The following PLA2G4A variants were observed in gnomAD, a reference collection of about 807,000 sequenced individuals.
PLA2G4A encodes the protein cytosolic phospholipase A2.
Under a neutral mutation model 81.9 loss-of-function variants are expected in PLA2G4A, and 40 were observed. The observed-to-expected ratio is 0.49, with a 90% CI of 0.38 to 0.64. The LOEUF is 0.64. PLA2G4A is among the 30% of genes least tolerant of loss of function. The pLI, the probability that PLA2G4A is intolerant of heterozygous loss-of-function variation, is 0.00. For missense variants in PLA2G4A, 715 were observed against 905.1 expected, an observed-to-expected ratio of 0.79 and a Z score of 2.69; for synonymous variants, 302 against 296.9, an observed-to-expected ratio of 1.02 and a Z score of -0.18.
At chr1:186,887,054 G>A (rs965375667) in intron 3 of PLA2G4A, among the ~76,000 whole-genome samples, 12 of 152,122 alleles carry the variant, frequency 7.9e-5, no homozygotes, top group African/African-American at 1.2e-4. Flanking sequence ...AGATGAATCC[G>A]TGAAGGTCAT....
intron 7 of PLA2G4A, among the ~76,000 whole-genome samples, chr1:186,924,143 C>T (rs1380369288): frequency 6.6e-6 from 1 of 152,216 alleles, no homozygotes; most frequent in African/African-American, 2.4e-5. Context: ...CCTGTATTGT[C>T]AACGTCTACC....
At chr1:186,920,201 C>G (rs1655296980) in intron 7 of PLA2G4A, among the ~76,000 whole-genome samples, 1 of 152,104 alleles carries the variant, frequency 6.6e-6, no homozygotes, top group African/African-American at 2.4e-5. Context: ...ATTCCTGTTC[C>G]TGGTAACTTT....
chr1:186,945,354 C>A (rs73051044), intron 10 of PLA2G4A, among the ~76,000 whole-genome samples: 1 of 151,996 alleles, frequency 6.6e-6, no homozygotes, highest in African/African-American at 2.4e-5. Context: ...TAGGCCAGGA[C>A]GGAAACTTGT....
At chr1:186,845,021 C>T (rs926884486) in intron 1 of PLA2G4A, among the ~76,000 whole-genome samples, 1 of 152,046 alleles carries the variant, frequency 6.6e-6, no homozygotes, top group Admixed American at 6.6e-5. Context: ...ATCAGCCTGG[C>T]CAACATGGTG....
rs1657578216 is a variant in PLA2G4A at position 186,977,646 on chromosome 1, G to C, written c.1818G>C (p.Lys606Asn). The C allele has an allele frequency of 6.2e-7, 1 of 1,613,704 alleles. No individual in the cohort carries two copies. Among genetic ancestry groups the C allele is most frequent in the Non-Finnish European group, 8.5e-7 (1 of 1,179,664 alleles). The change falls in exon 16 of 18, where the codon AAG becomes AAC. Residue 606 changes from lysine to asparagine, a missense_variant. By Grantham distance (94) the Lys-to-Asn change is moderately conservative. Transcript: ENST00000367466. Reference sequence around the variant, plus strand: ...AAATGAACAAGCTCCCCTTTCCAAAGATTGATCCTTATGTGTTTGATCGGG... The same window carrying C: ...AAATGAACAAGCTCCCCTTTCCAAACATTGATCCTTATGTGTTTGATCGGG... ...WAKMNKLPFP[K>N]IDPYVFDREG...
chr1:186,862,049 A>C (rs1652822749), intron 2 of PLA2G4A, among the ~76,000 whole-genome samples: 1 of 150,326 alleles, frequency 6.7e-6, no homozygotes, highest in Non-Finnish European at 1.5e-5. Context: ...AATATTGAAA[A>C]CTTTACTTTT....
chr1:186,953,301 C>T (rs1246770768), intron 13 of PLA2G4A, among the ~76,000 whole-genome samples: 7 of 152,120 alleles, frequency 4.6e-5, no homozygotes, highest in African/African-American at 1.7e-4. Context: ...TTTTAATTTG[C>T]ATTTCTCAAA....
chr1:186,986,169 C>T (rs967570241), intron 17 of PLA2G4A, among the ~76,000 whole-genome samples: 2 of 152,140 alleles, frequency 1.3e-5, no homozygotes, highest in Non-Finnish European at 2.9e-5. Context: ...ATGGCTTGCT[C>T]ACTAGGAACA....
At chr1:186,856,785 G>A (rs75169166) in intron 2 of PLA2G4A, among the ~76,000 whole-genome samples, 2 of 151,766 alleles carry the variant, frequency 1.3e-5, no homozygotes, top group African/African-American at 2.4e-5. Context: ...ATTTCTAGGG[G>A]AAGTAAGATG....
At chr1:186,962,160 G>A (rs1429643693) in intron 14 of PLA2G4A, among the ~76,000 whole-genome samples, 1 of 151,948 alleles carries the variant, frequency 6.6e-6, no homozygotes, top group Non-Finnish European at 1.5e-5. Context: ...TGTAAGAGTA[G>A]TGATGCTGAC....
chr1:186,946,262 G>T (rs1656342570), intron 10 of PLA2G4A, among the ~76,000 whole-genome samples: 1 of 152,134 alleles, frequency 6.6e-6, no homozygotes, highest in South Asian at 2.1e-4. Flanking sequence ...TGTTTGAATT[G>T]CTTAGAAGAG....
chr1:186,832,536 A>G (rs971005969), intron 1 of PLA2G4A, among the ~76,000 whole-genome samples: 1 of 152,186 alleles, frequency 6.6e-6, no homozygotes, highest in Non-Finnish European at 1.5e-5. Context: ...TTCTATGTCA[A>G]TACTGGGTGC....
intron 3 of PLA2G4A, among the ~76,000 whole-genome samples, chr1:186,883,478 T>C (rs1653815240): frequency 1.3e-5 from 2 of 152,200 alleles, no homozygotes; most frequent in Middle Eastern, 3.4e-3. Context: ...GGGTGCATAT[T>C]GAGTGTTTTC....
intron 13 of PLA2G4A, among the ~76,000 whole-genome samples, chr1:186,953,079 C>T (rs1021217169): frequency 3.9e-5 from 6 of 152,082 alleles, no homozygotes; most frequent in Non-Finnish European, 8.8e-5. Context: ...TGGGTAAATA[C>T]CATGGAGCAC....
intron 7 of PLA2G4A, among the ~76,000 whole-genome samples, chr1:186,931,241 C>T (rs1314910691): frequency 6.6e-6 from 1 of 151,984 alleles, no homozygotes; most frequent in African/African-American, 2.4e-5. Context: ...CATAAAGATA[C>T]ACACACATAC....
At position 186,893,095 on chromosome 1, in the gene PLA2G4A, T is replaced by C. The variant is rs1186108805; in HGVS notation, c.200T>C (p.Ile67Thr). Residue 67 changes from isoleucine (I) to threonine (T), a missense_variant, in exon 4 of 18, where the codon ATA (isoleucine) becomes ACA (threonine). Ile to Thr is a moderately conservative substitution (Grantham distance 89). Transcript: ENST00000367466. ...RKRTRHFNND[I>T]NPVWNETFEF... is the part of the protein sequence containing the mutation. ...AGAACAAGACATTTCAATAATGACATAAACCCTGTGTGGAATGAGACCTTT... is the reference window on the plus strand; with the variant it reads ...AGAACAAGACATTTCAATAATGACACAAACCCTGTGTGGAATGAGACCTTT... The C allele has an allele frequency of 1.9e-6, 3 of 1,611,384 alleles. No homozygotes were observed. Among genetic ancestry groups the C allele is most frequent in the Non-Finnish European group, 2.5e-6 (3 of 1,177,654 alleles).
At chr1:186,853,387 C>G (rs1652444324) in intron 1 of PLA2G4A, among the ~76,000 whole-genome samples, 1 of 151,698 alleles carries the variant, frequency 6.6e-6, no homozygotes, top group Non-Finnish European at 1.5e-5. Context: ...TTCACTTCAG[C>G]AGTTTTTGTT....
chr1:186,940,455 G>A (rs910883960), intron 10 of PLA2G4A, among the ~76,000 whole-genome samples: 2 of 152,040 alleles, frequency 1.3e-5, no homozygotes, highest in Non-Finnish European at 2.9e-5. Context: ...TCATTAATTG[G>A]GTAATATGAT....
At chr1:186,946,553 A>G in intron 10 of PLA2G4A, 84 bp from the exon 11 acceptor site, 1 of 947,522 alleles carries the variant, frequency 1.1e-6, no homozygotes, top group Non-Finnish European at 1.7e-6. Flanking sequence ...TAAGCATAAC[A>G]TTATTAAAGT....
Sources: gnomAD v4.1 joint callset for allele counts (sites outside exome capture counted in the v4.1 genomes callset) on GRCh38, gnomAD v4.1.1 for gene constraint, MANE v1.5 for transcripts, NCBI Gene and HGNC (gene_info 2026-07-23, HGNC 2026-07-21) for gene names.